The following DCBLD2 variants were observed in gnomAD, a reference collection of about 807,000 sequenced individuals.
The protein encoded by DCBLD2 is discoidin, CUB and LCCL domain-containing protein 2.
In DCBLD2, 54 loss-of-function variants were observed where a neutral mutation model predicts 86.8. The observed-to-expected ratio is 0.62, with a 90% CI of 0.50 to 0.78. The LOEUF is 0.78. Among genes scored for constraint, DCBLD2 ranks in the 30% least tolerant of loss-of-function variants. The pLI is 0.00. For synonymous variants in DCBLD2, 354 were observed against 341.3 expected, an observed-to-expected ratio of 1.04 and a Z score of -0.41; for missense variants, 908 against 954.2, an observed-to-expected ratio of 0.95 and a Z score of 0.64.
At chr3:98,899,894 C>G (rs557065611) in intron 1 of DCBLD2, among the ~76,000 whole-genome samples, 7 of 152,164 alleles carry the variant, frequency 4.6e-5, no homozygotes, top group East Asian at 1.9e-4. Flanking sequence ...TGTTTTCCCC[C>G]CTACCAGGAG....
intron 3 of DCBLD2, among the ~76,000 whole-genome samples, chr3:98,829,461 T>G (rs1942284321): frequency 1.3e-5 from 2 of 152,170 alleles, no homozygotes. Flanking sequence ...TAGGCCTCAG[T>G]GTCAATTGTT....
At chr3:98,878,293 T>C (rs1319104710) in intron 2 of DCBLD2, among the ~76,000 whole-genome samples, 1 of 152,180 alleles carries the variant, frequency 6.6e-6, no homozygotes, top group Non-Finnish European at 1.5e-5. Flanking sequence ...CATGATATGA[T>C]ACACTGAGAA....
At chr3:98,839,464 G>A (rs1942580104) in intron 3 of DCBLD2, among the ~76,000 whole-genome samples, 2 of 152,050 alleles carry the variant, frequency 1.3e-5, no homozygotes, top group Non-Finnish European at 2.9e-5. Context: ...TTAAATAAGG[G>A]AATTGTATGG....
intron 3 of DCBLD2, among the ~76,000 whole-genome samples, chr3:98,827,579 CAA>C (rs1942244967): frequency 6.6e-6 from 1 of 152,146 alleles, no homozygotes; most frequent in Non-Finnish European, 1.5e-5. Context: ...CATGGAAGTT[CAA>C]AGAGCTCTCA....
At chr3:98,844,465 G>A (rs544663154) in intron 3 of DCBLD2, among the ~76,000 whole-genome samples, 2 of 151,742 alleles carry the variant, frequency 1.3e-5, no homozygotes, top group East Asian at 1.9e-4. Flanking sequence ...ACAAACAAAC[G>A]ATTCTCCTGC....
At chr3:98,878,007 C>T (rs1022305656) in intron 2 of DCBLD2, among the ~76,000 whole-genome samples, 4 of 151,800 alleles carry the variant, frequency 2.6e-5, no homozygotes, top group African/African-American at 7.3e-5. Context: ...GGGAAAGATC[C>T]TGTTTTTAGT....
chr3:98,836,066 ATGTG>A (rs145070800), intron 3 of DCBLD2, among the ~76,000 whole-genome samples: 1,320 of 129,186 alleles, frequency 0.01, 39 homozygotes, highest in African/African-American at 0.037. Context: ...GTGTGTGTGT[ATGTG>A]TGTGTGTATG....
At chr3:98,839,828 A>C (rs1215058598) in intron 3 of DCBLD2, among the ~76,000 whole-genome samples, 1 of 152,238 alleles carries the variant, frequency 6.6e-6, no homozygotes, top group Non-Finnish European at 1.5e-5. Context: ...AGAACAAGGA[A>C]GTTTTAAAAA....
chr3:98,851,412 C>T (rs1942834119), intron 2 of DCBLD2, among the ~76,000 whole-genome samples: 1 of 152,136 alleles, frequency 6.6e-6, no homozygotes, highest in South Asian at 2.1e-4. Flanking sequence ...TCAAGGAGAA[C>T]TACAAAGCAC....
chr3:98,882,281 CAT>C (rs1324661562), intron 1 of DCBLD2, among the ~76,000 whole-genome samples: 3 of 152,138 alleles, frequency 2.0e-5, no homozygotes, highest in Non-Finnish European at 2.9e-5. Flanking sequence ...TATACATATA[CAT>C]GTTATAATAA....
At chr3:98,832,640 G>A (rs966932469) in intron 3 of DCBLD2, among the ~76,000 whole-genome samples, 4 of 152,144 alleles carry the variant, frequency 2.6e-5, no homozygotes, top group Non-Finnish European at 5.9e-5. Context: ...TGGTGGTAAT[G>A]AACTCGCTTA....
chr3:98,822,174 C>A (rs1942132122), intron 6 of DCBLD2, 54 bp downstream of exon 6: 1 of 1,598,208 alleles, frequency 6.3e-7, no homozygotes, highest in Non-Finnish European at 8.6e-7. Flanking sequence ...CCCAGTGCTA[C>A]CCAGAATGCT....
At chr3:98,803,029 T>TG (rs1400890099) in intron 13 of DCBLD2, among the ~76,000 whole-genome samples, 1 of 152,120 alleles carries the variant, frequency 6.6e-6, no homozygotes, top group East Asian at 1.9e-4. Context: ...CTTGGCAATG[T>TG]GGGCTCTTTT....
chr3:98,808,306 T>A, intron 12 of DCBLD2, 132 bp from the exon 13 acceptor site: 1 of 745,820 alleles, frequency 1.3e-6, no homozygotes, highest in Non-Finnish European at 2.1e-6. Flanking sequence ...ACATTATTTG[T>A]CAAGACTGGG....
At chr3:98,815,007 TCTCA>T (rs1401243135) in intron 9 of DCBLD2, 1 of 152,228 alleles carries the variant, frequency 6.6e-6, no homozygotes, top group Non-Finnish European at 1.5e-5. Context: ...AGCCTGCCGG[TCTCA>T]CTGAGTTGCA....
Position 98,819,207 on chromosome 3 carries a change from A to G in DCBLD2, c.1082T>C (p.Ile361Thr). ...LQIDLNKEKKITGIITTGSTM... is the reference protein window; with the variant it reads ...LQIDLNKEKKTTGIITTGSTM... Reference sequence around the variant, plus strand: ...GAAAATTTTTGTCTCTTAACCTGTTATTTTCTTTTCCTTATTCAAATCTAT... The same window carrying G: ...GAAAATTTTTGTCTCTTAACCTGTTGTTTTCTTTTCCTTATTCAAATCTAT... Residue 361 changes from isoleucine to threonine, a missense_variant, in exon 8 of 16, where the codon ATA (isoleucine) becomes ACA (threonine). Physicochemically the swap from Ile to Thr is moderately conservative, Grantham distance 89. This residue lies in a region of DCBLD2 where 606 missense variants were observed against 678.5 expected (regional missense o/e 0.89). Transcript: ENST00000326840. The G allele has an allele frequency of 6.4e-7, 1 of 1,560,442 alleles. No homozygotes were observed. Among genetic ancestry groups the G allele is most frequent in the Non-Finnish European group, 8.7e-7 (1 of 1,151,314 alleles).
At chr3:98,815,793 A>G (rs1198645863) in intron 9 of DCBLD2, 1 of 152,188 alleles carries the variant, frequency 6.6e-6, no homozygotes, top group Admixed American at 6.5e-5. Flanking sequence ...CAGATTAGAC[A>G]TTTCAGAAGA....
intron 1 of DCBLD2, among the ~76,000 whole-genome samples, chr3:98,894,883 C>T (rs1943725529): frequency 6.6e-6 from 1 of 151,996 alleles, no homozygotes. Context: ...AAAACTCTCT[C>T]CGCTGGCAGG....
chr3:98,875,461 G>C (rs553824779), intron 2 of DCBLD2, among the ~76,000 whole-genome samples: 114 of 152,238 alleles, frequency 7.5e-4, no homozygotes, highest in African/African-American at 2.6e-3. Flanking sequence ...TTGAACTTAA[G>C]ATAACTCAAC....
Sources: allele counts gnomAD v4.1 joint callset (sites outside exome capture counted in the v4.1 genomes callset), GRCh38; gene constraint gnomAD v4.1.1; regional missense constraint gnomAD v4.1.1; transcripts MANE v1.5; gene names NCBI Gene and HGNC (gene_info 2026-07-23, HGNC 2026-07-21).